The following DCAF15 variants were observed in gnomAD, a reference collection of about 807,000 sequenced individuals.
DCAF15 encodes the protein DDB1- and CUL4-associated factor 15.
DCAF15 carries 24 observed loss-of-function variants against 68.0 expected under a neutral mutation model. The observed-to-expected ratio is 0.35, with a 90% CI of 0.26 to 0.50. The LOEUF (loss-of-function observed/expected upper bound fraction) is 0.50. DCAF15 is among the 20% of genes least tolerant of loss of function. The probability of loss-of-function intolerance (pLI) is 0.98; values close to 1 mark genes in which losing one functional copy is unlikely to be tolerated. For synonymous variants in DCAF15, 376 were observed against 341.6 expected, an observed-to-expected ratio of 1.10 and a Z score of -1.11; for missense variants, 627 against 830.6, an observed-to-expected ratio of 0.75 and a Z score of 3.01.
chr19:13,960,695 C>A, intron 12 of DCAF15, 115 bp downstream of exon 12: 1 of 1,146,402 alleles, frequency 8.7e-7, no homozygotes, highest in Non-Finnish European at 1.2e-6. Context: ...GAGAGGGCAG[C>A]CCAGGCCAGG....
In DCAF15 at chr19:13,959,179, T is replaced by A; in HGVS notation, c.919T>A (p.Ser307Thr). The A allele has an allele frequency of 1.9e-6, 3 of 1,612,560 alleles. No individual in the cohort carries two copies. The highest frequency in any genetic ancestry group is 1.7e-6 in the Non-Finnish European group (2 of 1,179,844). The change falls in exon 7 of 13, where the codon TCT becomes ACT. Residue 307 changes from serine to threonine, a missense_variant. By Grantham distance (58) the Ser-to-Thr change is moderately conservative. Around this residue, in one of 3 missense-constraint regions of DCAF15, gnomAD observed 236 missense variants for 225.1 expected, o/e 1.05. Coordinates refer to ENST00000254337, the MANE Select transcript of DCAF15 (RefSeq NM_138353.4). ...CTGCCCTGAGGCGGCCCCAGCCCGTTCTTCTGGGTCTCCTGAGCCCTCGCC... is the reference window on the plus strand; with the variant it reads ...CTGCCCTGAGGCGGCCCCAGCCCGTACTTCTGGGTCTCCTGAGCCCTCGCC... ...SFCPEAAPAR[S>T]SGSPEPSPAI...
At chr19:13,953,778 T>C (rs1486037262) in intron 1 of DCAF15, among the ~76,000 whole-genome samples, 5 of 152,202 alleles carry the variant, frequency 3.3e-5, no homozygotes, top group South Asian at 2.1e-4. Flanking sequence ...TTGGATTCCG[T>C]TGGAAGGCGG....
rs375529688 is a variant in DCAF15 at position 13,959,176 on chromosome 19, C to G, written c.916C>G (p.Arg306Gly). 6.8e-6 allele frequency: 11 copies of G among 1,612,690 alleles called. No individual in the cohort carries two copies. The highest frequency in any genetic ancestry group is 9.3e-6 in the Non-Finnish European group (11 of 1,179,868). The part of the protein sequence containing the change: ...PSFCPEAAPA[R>G]SSGSPEPSPA... ...CTTCTGCCCTGAGGCGGCCCCAGCC[C>G]GTTCTTCTGGGTCTCCTGAGCCCTC... The change falls in exon 7 of 13, where the codon CGT becomes GGT. Residue 306 changes from arginine (R) to glycine (G), a missense_variant. Arg to Gly is a moderately radical substitution (Grantham distance 125, BLOSUM62 -2). Transcript: ENST00000254337.
At chr19:13,958,783 G>C (rs887958234) in intron 6 of DCAF15, among the ~76,000 whole-genome samples, 5 of 152,112 alleles carry the variant, frequency 3.3e-5, no homozygotes, top group African/African-American at 9.7e-5. Flanking sequence ...GGTTCTGTCT[G>C]TCTGGTTCAC....
chr19:13,958,287 T>A (rs2145498388), intron 6 of DCAF15, among the ~76,000 whole-genome samples: 1 of 152,134 alleles, frequency 6.6e-6, no homozygotes, highest in Admixed American at 6.5e-5. Context: ...AGAGGGGTGC[T>A]TTCTTCCTTG....
intron 6 of DCAF15, among the ~76,000 whole-genome samples, chr19:13,958,606 T>A (rs1442858120): frequency 6.6e-6 from 1 of 152,150 alleles, no homozygotes; most frequent in African/African-American, 2.4e-5. Flanking sequence ...CCCGCAGTGG[T>A]CTGGCTTGTG....
chr19:13,952,727 G>T, intron 1 of DCAF15, 83 bp downstream of exon 1: 4 of 1,302,206 alleles, frequency 3.1e-6, no homozygotes, highest in Middle Eastern at 2.9e-4. Context: ...GGCGTTCGCG[G>T]GGTGAGGGGT....
chr19:13,957,679 A>G (rs1973424480), intron 6 of DCAF15, among the ~76,000 whole-genome samples: 2 of 152,176 alleles, frequency 1.3e-5, no homozygotes, highest in African/African-American at 4.8e-5. Flanking sequence ...AGGCTGAGGC[A>G]GGCGGATCAC....
chr19:13,960,352 T>C lies in DCAF15; in HGVS notation c.1592T>C (p.Val531Ala). The change falls in exon 11 of 13, where the codon GTC becomes GCC. Residue 531 changes from valine (V) to alanine (A), a missense_variant. Val to Ala is a moderately conservative substitution (Grantham distance 64, BLOSUM62 0). Coordinates refer to ENST00000254337, the MANE Select transcript of DCAF15 (RefSeq NM_138353.4). ...WDLNTGIFET[V>A]SVGDLTEVKG... ...CTCAACACAGGGATCTTCGAGACAG[T>C]CAGTGTAGGCGACCTGACTGAGGTC... 1 of 1,613,966 alleles carries C rather than the reference T, an allele frequency of 6.2e-7. No homozygotes were observed. Among genetic ancestry groups the C allele is most frequent in the Non-Finnish European group, 8.5e-7 (1 of 1,180,000 alleles).
intron 6 of DCAF15, among the ~76,000 whole-genome samples, chr19:13,957,580 G>C (rs1203538903): frequency 1.3e-5 from 2 of 152,170 alleles, no homozygotes; most frequent in East Asian, 3.8e-4. Flanking sequence ...GAAACACAAG[G>C]AATCTATAAC....
Position 13,954,361 on chromosome 19 carries a change from C to T in DCAF15, c.154C>T (p.Arg52Cys). Residue 52 changes from arginine to cysteine, a missense_variant, in exon 2 of 13, where the codon CGC (arginine) becomes TGC (cysteine). Arg to Cys is a radical substitution (Grantham distance 180). Transcript: ENST00000254337. The part of the protein sequence containing the change: ...RVKISGQLSP[R>C]LFRKLPPRVC... Reference sequence around the variant, plus strand: ...CCAGATCAGCGGACAGCTCTCCCCTCGCCTCTTCCGGAAGCTGCCTCCCCG... The same window carrying T: ...CCAGATCAGCGGACAGCTCTCCCCTTGCCTCTTCCGGAAGCTGCCTCCCCG... 3.7e-6 allele frequency: 6 copies of T among 1,613,570 alleles called. No homozygotes were observed. Among genetic ancestry groups the T allele is most frequent in the Admixed American group, 1.7e-5 (1 of 60,014 alleles).
rs147809208 is a variant in DCAF15, at chr19:13,956,138, C to T, written c.489C>T (p.Asn163=). 116 of 1,609,436 alleles carry T rather than the reference C, an allele frequency of 7.2e-5. 1 individual carries two copies. The African/African-American group carries it at 1.2e-3, about 17-fold the overall frequency. ...TGGCCCCCAGCACCCGCTCGGCCAACGGGATGCTCATGAACATGATGATGA... is the reference window on the plus strand; with the variant it reads ...TGGCCCCCAGCACCCGCTCGGCCAATGGGATGCTCATGAACATGATGATGA... The part of the protein sequence containing the change: ...IVFGFNTRSA[N]GMLMNMMMMS... Residue 163 remains asparagine (N), a synonymous_variant, in exon 5 of 13, where the codon AAC becomes AAT. Transcript: ENST00000254337.
rs1479829157 is a variant in DCAF15 at position 13,959,748 on chromosome 19, C to T, written c.1312-19C>T. The T allele has an allele frequency of 1.9e-6, 3 of 1,613,460 alleles. No homozygotes were observed. On this transcript the variant is annotated intron_variant, in intron 8 of 12. Transcript: ENST00000254337. Reference sequence around the variant, plus strand: ...GGGGCAGTTGGCACCGTCCCCTGCGCCTACCCACTCACCCGCAGGGCCAGT... The same window carrying T: ...GGGGCAGTTGGCACCGTCCCCTGCGTCTACCCACTCACCCGCAGGGCCAGT...
In DCAF15 at chr19:13,959,660, G is replaced by A. The variant is rs111418954; in HGVS notation, c.1298G>A (p.Arg433Gln). 7.5e-4 allele frequency: 1,217 copies of A among 1,613,392 alleles called. 12 individuals carry two copies. The African/African-American group carries it at 0.015, about 19-fold the overall frequency. The change falls in exon 8 of 13, where the codon CGG becomes CAG. Residue 433 changes from arginine (R) to glutamine (Q), a missense_variant. Arg to Gln is a conservative substitution (Grantham distance 43, BLOSUM62 1). Around this residue, in one of 3 missense-constraint regions of DCAF15, gnomAD observed 236 missense variants for 225.1 expected, o/e 1.05. Transcript: ENST00000254337. ...CGCAACCTGCGGCCCATGCGGGAGC[G>A]GACTGCTGTCCAGGTGGGTGTGGGC... ...RGRNLRPMRERTAVQGQYLTV... is the reference protein window; with the variant it reads ...RGRNLRPMREQTAVQGQYLTV...
At position 13,959,391 on chromosome 19, in the gene DCAF15, G is replaced by C. The variant is rs192368806; in HGVS notation, c.1131G>C (p.Ser377=). Residue 377 remains serine, a synonymous_variant, in exon 7 of 13, where the codon TCG becomes TCC. Coordinates refer to ENST00000254337, the MANE Select transcript of DCAF15 (RefSeq NM_138353.4). ...CACCCCGGGACAGCCCCCCTGCCTC[G>C]GAGGCACCTGCCTCCGAGCCTGGCT... ...ETAPRDSPPA[S]EAPASEPGYV... is the part of the protein sequence containing the mutation. 9.2e-5 allele frequency: 148 copies of C among 1,605,778 alleles called. No individual in the cohort carries two copies. Among genetic ancestry groups the C allele is most frequent in the Middle Eastern group, 5.0e-4 (3 of 5,998 alleles).
At chr19:13,954,230 TG>T in intron 1 of DCAF15, 109 bp from the exon 2 acceptor site, 1 of 874,296 alleles carries the variant, frequency 1.1e-6, no homozygotes, top group Non-Finnish European at 1.8e-6. Flanking sequence ...ACCATTATGG[TG>T]GGCTGGGCCG....
chr19:13,960,463 A>G lies in DCAF15; in HGVS notation c.1632-2A>G. On this transcript the variant is annotated splice_acceptor_variant, in intron 11 of 12. Coordinates refer to ENST00000254337, the MANE Select transcript of DCAF15 (RefSeq NM_138353.4). LOFTEE classifies it high-confidence loss of function. ...AGAGCCACTCACCCCCTGGCCCCGC[A>G]GCGGCAGTGTCTGGAGCTCCTACCG... 2 of 1,611,704 alleles carry G rather than the reference A, an allele frequency of 1.2e-6. No homozygotes were observed. Among genetic ancestry groups the G allele is most frequent in the East Asian group, 2.2e-5 (1 of 44,834 alleles).
intron 10 of DCAF15, 78 bp from the exon 11 acceptor site, chr19:13,960,209 A>G: frequency 6.4e-7 from 1 of 1,568,500 alleles, no homozygotes; most frequent in Non-Finnish European, 8.7e-7. Flanking sequence ...CAAAGACAAA[A>G]GGCCCTCAGG....
chr19:13,956,513 C>T lies in DCAF15; in HGVS notation c.775C>T (p.His259Tyr), dbSNP rs1210008772. ...YSLVACAVSV[H>Y]SAGDRSFCQI... Reference sequence around the variant, plus strand: ...CCTGGTGGCCTGCGCCGTCTCCGTCCACTCGGCAGGTAGGCCCTGCGGTCT... The same window carrying T: ...CCTGGTGGCCTGCGCCGTCTCCGTCTACTCGGCAGGTAGGCCCTGCGGTCT... Residue 259 changes from histidine to tyrosine, a missense_variant, in exon 6 of 13, where the codon CAC becomes TAC. Around this residue, in one of 3 missense-constraint regions of DCAF15, gnomAD observed 273 missense variants for 393.7 expected, o/e 0.69. Coordinates refer to ENST00000254337, the MANE Select transcript of DCAF15 (RefSeq NM_138353.4). 9.9e-6 allele frequency: 16 copies of T among 1,613,128 alleles called. No individual in the cohort carries two copies. The highest frequency in any genetic ancestry group is 1.3e-5 in the Non-Finnish European group (15 of 1,179,990).
Sources: allele counts gnomAD v4.1 joint callset (sites outside exome capture counted in the v4.1 genomes callset), GRCh38; gene constraint gnomAD v4.1.1; regional missense constraint gnomAD v4.1.1; transcripts MANE v1.5; gene names NCBI Gene and HGNC (gene_info 2026-07-23, HGNC 2026-07-21).